The following TNFRSF10C variants were observed in gnomAD, a reference collection of about 807,000 sequenced individuals.
TNFRSF10C encodes TNF receptor superfamily member 10c.
TNFRSF10C carries 17 observed loss-of-function variants against 16.7 expected under a neutral mutation model. That is an observed-to-expected ratio of 1.02 (90% confidence interval 0.70 to 1.53). The LOEUF is 1.53. Ranked by LOEUF, TNFRSF10C falls within the 40% of genes most tolerant of loss-of-function variation. TNFRSF10C has a pLI of 0.00. For synonymous variants in TNFRSF10C, 73 were observed against 119.7 expected, an observed-to-expected ratio of 0.61 and a Z score of 2.55; for missense variants, 237 against 329.7, an observed-to-expected ratio of 0.72 and a Z score of 2.18.
chr8:23,110,197 G>T (rs74304590), intron 1 of TNFRSF10C, among the ~76,000 whole-genome samples: 2 of 151,486 alleles, frequency 1.3e-5, no homozygotes, highest in African/African-American at 4.8e-5. Context: ...GAAAGGAGAC[G>T]CAGACATCGC....
intron 2 of TNFRSF10C, among the ~76,000 whole-genome samples, chr8:23,114,058 C>A (rs1813929649): frequency 6.6e-6 from 1 of 151,770 alleles, no homozygotes; most frequent in Non-Finnish European, 1.5e-5. Flanking sequence ...GTTGGTGGGG[C>A]CTCTCGGGGA....
chr8:23,102,957 A>G lies in TNFRSF10C; in HGVS notation c.-165A>G. ...TGTGGGAACCTCTCCACGCGCACGA[A>G]CTCAGCCAACGATTTCTGATAGATT... is the stretch of plus-strand genomic sequence containing the variant. On this transcript the variant is annotated 5_prime_UTR_variant, in exon 1 of 5. Transcript: ENST00000356864. 5.3e-6 allele frequency: 8 copies of G among 1,510,206 alleles called. No homozygotes were observed. The highest frequency in any genetic ancestry group is 7.1e-6 in the Non-Finnish European group (8 of 1,122,160). The allele number at this position is 1,510,206 out of a possible 1,614,324, so 93.6% of individuals were successfully genotyped here. A position where few individuals can be genotyped will look rare whatever the true frequency, so the allele number is the denominator to read the frequency against.
In TNFRSF10C at chr8:23,103,138, A is replaced by C; in HGVS notation, c.17A>C (p.Lys6Thr). The change falls in exon 1 of 5, where the codon AAG (lysine) becomes ACG (threonine). Residue 6 changes from lysine (K) to threonine (T), a missense_variant. By Grantham distance (78) the Lys-to-Thr change is moderately conservative (BLOSUM62 -1). Coordinates refer to ENST00000356864, the MANE Select transcript of TNFRSF10C (RefSeq NM_003841.5). ...AACCATACCATGGCCCGGATCCCCA[A>C]GACCCTAAAGTTCGTCGTCGTCATC... MARIP[K>T]TLKFVVVIVA... is the part of the protein sequence containing the mutation. 1.2e-6 allele frequency: 2 copies of C among 1,612,398 alleles called. No individual in the cohort carries two copies. The highest frequency in any genetic ancestry group is 8.5e-7 in the Non-Finnish European group (1 of 1,179,432).
intron 1 of TNFRSF10C, among the ~76,000 whole-genome samples, chr8:23,104,728 T>A (rs1371775742): frequency 1.3e-5 from 2 of 152,256 alleles, no homozygotes; most frequent in Non-Finnish European, 1.5e-5. Context: ...TTTACTAGTC[T>A]AAGATGTAAA....
chr8:23,103,939 A>AAAAAAAG (rs1813719355), intron 1 of TNFRSF10C, among the ~76,000 whole-genome samples: 1 of 152,262 alleles, frequency 6.6e-6, no homozygotes, highest in African/African-American at 2.4e-5. Context: ...ATGTAATACA[A>AAAAAAAG]AAAAAAGAAA....
Position 23,117,193 on chromosome 8 carries a change from G to T in TNFRSF10C, c.*162G>T. 1 of 1,099,132 alleles carries T rather than the reference G, an allele frequency of 9.1e-7. No individual in the cohort carries two copies. 68.1% of individuals were successfully genotyped at this position (1,099,132 alleles called of 1,614,324 possible). On this transcript the variant is annotated 3_prime_UTR_variant, in exon 5 of 5. Transcript: ENST00000356864. Reference sequence around the variant, plus strand: ...CCCAAGTCCTGGTGTCTCCAGCCTGGCTCTATCTTCCTCCTTGTGATCGTC... The same window carrying T: ...CCCAAGTCCTGGTGTCTCCAGCCTGTCTCTATCTTCCTCCTTGTGATCGTC...
chr8:23,104,649 G>T (rs1420366464), intron 1 of TNFRSF10C, among the ~76,000 whole-genome samples: 1 of 152,152 alleles, frequency 6.6e-6, no homozygotes, highest in South Asian at 2.1e-4. Flanking sequence ...ACTGAACCCA[G>T]CTTACAGTCA....
In TNFRSF10C at chr8:23,113,100, G is replaced by C. The variant is rs113806746; in HGVS notation, c.166+1275G>C. Reference sequence around the variant, plus strand: ...TTTGGCCACTTCTATGTCTCCTTTTGAGAAGTGTCTATTCAGGTCCCACGC... The same window carrying C: ...TTTGGCCACTTCTATGTCTCCTTTTCAGAAGTGTCTATTCAGGTCCCACGC... On this transcript the variant is annotated intron_variant, in intron 2 of 4. Coordinates refer to ENST00000356864, the MANE Select transcript of TNFRSF10C (RefSeq NM_003841.5). Among the ~76,000 whole-genome samples, 724 of 152,244 alleles carry C rather than the reference G, an allele frequency of 4.8e-3. 7 individuals carry two copies. Among genetic ancestry groups the C allele is most frequent in the African/African-American group, 0.015 (643 of 41,536 alleles).
In TNFRSF10C at chr8:23,103,151, C is replaced by T; in HGVS notation, c.30C>T (p.Phe10=). The part of the protein sequence containing the change: MARIPKTLK[F]VVVIVAVLLP... ...CCCGGATCCCCAAGACCCTAAAGTT[C>T]GTCGTCGTCATCGTCGCGGTCCTGC... Residue 10 remains phenylalanine, a synonymous_variant, in exon 1 of 5, where the codon TTC becomes TTT. Transcript: ENST00000356864. 1.9e-6 allele frequency: 3 copies of T among 1,612,236 alleles called. No homozygotes were observed. The highest frequency in any genetic ancestry group is 2.5e-6 in the Non-Finnish European group (3 of 1,179,386).
chr8:23,114,573 G>A lies in TNFRSF10C; in HGVS notation c.167-84G>A, dbSNP rs1813939929. ...ATTTCTCTGTCTCAATTCCAGTGAG[G>A]GCCAAAAAAGAAGTTTCCCCACCAC... is the stretch of plus-strand genomic sequence containing the variant. On this transcript the variant is annotated intron_variant, in intron 2 of 4. Coordinates refer to ENST00000356864, the MANE Select transcript of TNFRSF10C (RefSeq NM_003841.5). 4.5e-6 allele frequency: 5 copies of A among 1,101,006 alleles called. No individual in the cohort carries two copies. The Admixed American group carries it at 7.3e-5, about 16-fold the overall frequency. The allele number at this position is 1,101,006 out of a possible 1,614,324, so 68.2% of individuals were successfully genotyped here. A position where few individuals can be genotyped will look rare whatever the true frequency, so the allele number is the denominator to read the frequency against.
At chr8:23,113,905 G>A (rs1223682748) in intron 2 of TNFRSF10C, among the ~76,000 whole-genome samples, 4 of 150,956 alleles carry the variant, frequency 2.6e-5, no homozygotes, top group Non-Finnish European at 4.4e-5. Context: ...GCAGTGAGCC[G>A]AGATTGTGCC....
intron 1 of TNFRSF10C, chr8:23,103,658 G>C (rs1372566925): frequency 5.6e-6 from 1 of 178,130 alleles, no homozygotes; most frequent in Non-Finnish European, 1.2e-5. Flanking sequence ...GTGGCAGGAA[G>C]CCGGAATGTG....
intron 4 of TNFRSF10C, among the ~76,000 whole-genome samples, chr8:23,115,925 C>T (rs989039031): frequency 6.6e-6 from 1 of 152,162 alleles, no homozygotes; most frequent in East Asian, 1.9e-4. Context: ...CTAGGAAATG[C>T]GATTTCCTTT....
intron 1 of TNFRSF10C, among the ~76,000 whole-genome samples, chr8:23,110,019 A>C (rs1743826404): frequency 7.9e-6 from 1 of 126,844 alleles, no homozygotes; most frequent in Non-Finnish European, 1.6e-5. Flanking sequence ...CCGAGATTAC[A>C]CCACTGCACT....
At chr8:23,111,447 C>A (rs1462240253) in intron 1 of TNFRSF10C, among the ~76,000 whole-genome samples, 4 of 151,650 alleles carry the variant, frequency 2.6e-5, no homozygotes, top group African/African-American at 9.7e-5. Flanking sequence ...GATCTCTTGA[C>A]CTTGTGATCC....
At chr8:23,115,030 G>A (rs890698997) in intron 3 of TNFRSF10C, among the ~76,000 whole-genome samples, 4 of 152,206 alleles carry the variant, frequency 2.6e-5, no homozygotes, top group African/African-American at 9.7e-5. Context: ...CTGGCCCAGT[G>A]GACAGGGCTA....
intron 4 of TNFRSF10C, 46 bp downstream of exon 4, chr8:23,115,662 A>T (rs373741720): frequency 1.9e-5 from 29 of 1,504,824 alleles, no homozygotes; most frequent in Non-Finnish European, 2.7e-5. Flanking sequence ...GGAACCCGAG[A>T]AGACCTGAGT....
chr8:23,108,956 G>A (rs181323638), intron 1 of TNFRSF10C, among the ~76,000 whole-genome samples: 2,981 of 152,184 alleles, frequency 0.02, 61 homozygotes, highest in Non-Finnish European at 0.033. Flanking sequence ...CTAAAATTTT[G>A]ATATTGAACA....
chr8:23,106,672 C>T (rs1035237275), intron 1 of TNFRSF10C, among the ~76,000 whole-genome samples: 2 of 152,152 alleles, frequency 1.3e-5, no homozygotes, highest in Non-Finnish European at 2.9e-5. Context: ...CTCTTGGCCT[C>T]GACTTCTCAT....
Sources: gnomAD v4.1 joint callset for allele counts (sites outside exome capture counted in the v4.1 genomes callset) on GRCh38, gnomAD v4.1.1 for gene constraint, MANE v1.5 for transcripts, NCBI Gene and HGNC (gene_info 2026-07-23, HGNC 2026-07-21) for gene names.